The following MYO16 variants were observed in gnomAD, a reference collection of about 807,000 sequenced individuals.
The protein encoded by MYO16 is unconventional myosin-XVI.
A neutral mutation model predicts 205.3 loss-of-function variants in MYO16; 94 were observed. That is an observed-to-expected ratio of 0.46 (90% CI 0.39 to 0.54). The LOEUF (loss-of-function observed/expected upper bound fraction) is 0.54, where lower values mean the gene tolerates loss of function less well. MYO16 is among the 20% of genes least tolerant of loss of function. MYO16 has a pLI of 0.00. For missense variants in MYO16, 2,315 were observed against 2,387.5 expected, an observed-to-expected ratio of 0.97 and a Z score of 0.63; for synonymous variants, 988 against 954.0, an observed-to-expected ratio of 1.04 and a Z score of -0.66.
chr13:109,070,095 G>A (rs2139647160), intron 27 of MYO16, among the ~76,000 whole-genome samples: 1 of 152,284 alleles, frequency 6.6e-6, no homozygotes, highest in East Asian at 1.9e-4. Context: ...TGATTTTATA[G>A]TGTATGGACC....
chr13:108,773,745 G>A (rs954082193), intron 4 of MYO16, among the ~76,000 whole-genome samples: 1 of 151,940 alleles, frequency 6.6e-6, no homozygotes, highest in Non-Finnish European at 1.5e-5. Flanking sequence ...GGTACATAGG[G>A]GTTCTTTGCA....
At chr13:108,616,495 A>G (rs530243164) in intron 1 of MYO16, among the ~76,000 whole-genome samples, 1 of 152,190 alleles carries the variant, frequency 6.6e-6, no homozygotes, top group African/African-American at 2.4e-5. Flanking sequence ...GTGATGGGTC[A>G]TATGATGATG....
At chr13:108,923,018 G>A (rs543176500) in intron 16 of MYO16, among the ~76,000 whole-genome samples, 4 of 152,262 alleles carry the variant, frequency 2.6e-5, no homozygotes, top group African/African-American at 7.2e-5. Context: ...TGCTAGGAGC[G>A]TGAGAGCCAC....
At chr13:108,576,720 G>C in the MYO16 span, among the ~76,000 whole-genome samples, 1 of 152,026 alleles carries the variant, frequency 6.6e-6, no homozygotes. Context: ...TCAGCTTTAA[G>C]TTGAATTCCC....
Position 108,756,931 on chromosome 13 carries a change from G to A in MYO16, c.508-28704G>A, listed in dbSNP as rs577180667. The stretch of plus-strand genomic sequence containing the variant: ...TACTGTTTTACAACACAGTCTATGG[G>A]ATGGCTTAATACGACAACTTGCTGT... On this transcript the variant is annotated intron_variant, in intron 4 of 34. Coordinates refer to ENST00000457511, the MANE Select transcript of MYO16 (RefSeq NM_001198950.3). Among the ~76,000 whole-genome samples, 6 of 152,268 alleles carry A rather than the reference G, an allele frequency of 3.9e-5. 1 individual carries two copies. The highest frequency in any genetic ancestry group is 1.4e-4 in the African/African-American group (6 of 41,564).
chr13:108,798,688 ATTTTTTTTTTT>A (rs35432777), intron 6 of MYO16, among the ~76,000 whole-genome samples: 2 of 70,368 alleles, frequency 2.8e-5, no homozygotes, highest in Admixed American at 2.1e-4. Context: ...CCCGAGGCTT[ATTTTTTTTTTT>A]TTTTTTTTTT....
rs71125326 is a variant in MYO16 at position 108,636,346 on chromosome 13, C to CTTT, written c.28+6496_28+6498dup. 2.1e-4 allele frequency among the ~76,000 whole-genome samples: 17 copies of CTTT among 81,324 alleles called. 1 individual carries two copies. The highest frequency in any genetic ancestry group is 8.6e-4 in the South Asian group (2 of 2,332). The allele number at this position is 81,324 out of a possible 152,430, so 53.4% of individuals were successfully genotyped here. On this transcript the variant is annotated intron_variant, in intron 1 of 34. Transcript: ENST00000457511. ...TAGTCTTAAATGAAAAAATATTTCC[C>CTTT]TTTTTTTTTTTTTTTTTTTTTTTTG...
chr13:108,987,089 C>A (rs1481617415), intron 20 of MYO16, among the ~76,000 whole-genome samples: 1 of 152,182 alleles, frequency 6.6e-6, no homozygotes, highest in African/African-American at 2.4e-5. Context: ...TAATTAACTG[C>A]AATGTTCCTC....
intron 16 of MYO16, among the ~76,000 whole-genome samples, chr13:108,934,493 TA>T (rs1391785475): frequency 2.6e-5 from 4 of 152,204 alleles, no homozygotes; most frequent in Non-Finnish European, 5.9e-5. Flanking sequence ...TTCTGAATAT[TA>T]GACTTTTGTC....
intron 13 of MYO16, among the ~76,000 whole-genome samples, chr13:108,884,325 C>T (rs1343921206): frequency 6.6e-6 from 1 of 152,260 alleles, no homozygotes; most frequent in Non-Finnish European, 1.5e-5. Flanking sequence ...GTTTTCAAAG[C>T]AGCATGCTAG....
chr13:109,158,565 A>T (rs1370203518), intron 32 of MYO16, among the ~76,000 whole-genome samples: 1 of 152,174 alleles, frequency 6.6e-6, no homozygotes. Context: ...TTGCCTTTGT[A>T]GTCTCATCCA....
At chr13:108,635,609 T>A (rs992333254) in intron 1 of MYO16, among the ~76,000 whole-genome samples, 3 of 152,012 alleles carry the variant, frequency 2.0e-5, no homozygotes, top group Non-Finnish European at 4.4e-5. Context: ...CAAGTGATTC[T>A]CCTGCCTCAG....
chr13:108,594,651 A>T (rs1446393062), upstream of MYO16, among the ~76,000 whole-genome samples: 1 of 152,192 alleles, frequency 6.6e-6, no homozygotes, highest in East Asian at 1.9e-4. Context: ...GGTGCTGGAT[A>T]ATTTCAGACA....
chr13:109,097,377 CCTT>C (rs1319252178), intron 27 of MYO16, among the ~76,000 whole-genome samples: 2 of 152,080 alleles, frequency 1.3e-5, no homozygotes, highest in African/African-American at 2.4e-5. Flanking sequence ...ATGCCCATAA[CCTT>C]CTGGGTGGTC....
At chr13:108,862,996 A>T (rs986563662) in intron 11 of MYO16, among the ~76,000 whole-genome samples, 1 of 152,098 alleles carries the variant, frequency 6.6e-6, no homozygotes, top group African/African-American at 2.4e-5. Context: ...AGAAGAAAAA[A>T]TTATTTTCTA....
At chr13:108,822,705 A>C (rs1204508147) in intron 8 of MYO16, among the ~76,000 whole-genome samples, 1 of 152,148 alleles carries the variant, frequency 6.6e-6, no homozygotes, top group Non-Finnish European at 1.5e-5. Flanking sequence ...CATTTAGTAG[A>C]ATGTTTATAG....
intron 4 of MYO16, among the ~76,000 whole-genome samples, chr13:108,770,480 G>C (rs1289777901): frequency 6.6e-6 from 1 of 151,966 alleles, no homozygotes; most frequent in Non-Finnish European, 1.5e-5. Context: ...AAATTATGAG[G>C]CATTCGTGCC....
intron 34 of MYO16, among the ~76,000 whole-genome samples, chr13:109,199,618 T>A (rs552157685): frequency 6.3e-4 from 96 of 152,330 alleles, no homozygotes; most frequent in African/African-American, 2.2e-3. Flanking sequence ...TCCTTTATAT[T>A]GTACAAACAA....
At chr13:109,078,193 G>A (rs1457216496) in intron 27 of MYO16, among the ~76,000 whole-genome samples, 1 of 151,242 alleles carries the variant, frequency 6.6e-6, no homozygotes, top group Non-Finnish European at 1.5e-5. Context: ...ATTTTGGAAG[G>A]TCAGGGCAGG....
Sources: allele counts gnomAD v4.1 joint callset (sites outside exome capture counted in the v4.1 genomes callset), GRCh38; gene constraint gnomAD v4.1.1; transcripts MANE v1.5; gene names NCBI Gene and HGNC (gene_info 2026-07-23, HGNC 2026-07-21).